The following ADAMTS17 variants were observed in gnomAD, a reference collection of about 807,000 sequenced individuals.
ADAMTS17 encodes A disintegrin and metalloproteinase with thrombospondin motifs 17.
In ADAMTS17, 113 loss-of-function variants were observed where a neutral mutation model predicts 141.5. The observed-to-expected ratio is 0.80, with a 90% CI of 0.69 to 0.93. The LOEUF (loss-of-function observed/expected upper bound fraction) is 0.93, where lower values mean the gene tolerates loss of function less well. ADAMTS17 is among the 40% of genes least tolerant of loss of function. ADAMTS17 has a pLI of 0.00. For missense variants in ADAMTS17, 1,659 were observed against 1,517.9 expected (o/e 1.09, Z -1.54); for synonymous variants, 768 against 630.6 (o/e 1.22, Z -3.27).
At chr15:100,037,742 T>C (rs964329755) in intron 18 of ADAMTS17, among the ~76,000 whole-genome samples, 3 of 152,076 alleles carry the variant, frequency 2.0e-5, no homozygotes, top group Admixed American at 1.3e-4. Flanking sequence ...TTATCAGATA[T>C]ATAATTTGAA....
At chr15:100,174,496 T>C (rs996723824) in intron 8 of ADAMTS17, among the ~76,000 whole-genome samples, 1 of 152,230 alleles carries the variant, frequency 6.6e-6, no homozygotes, top group Non-Finnish European at 1.5e-5. Context: ...GAAATTTCCA[T>C]GCAGTTTCAT....
chr15:100,332,397 C>T (rs2046081340), intron 2 of ADAMTS17, among the ~76,000 whole-genome samples: 1 of 152,232 alleles, frequency 6.6e-6, no homozygotes, highest in East Asian at 1.9e-4. Flanking sequence ...AAAGAGTGGG[C>T]AGGGTACGGC....
intron 8 of ADAMTS17, among the ~76,000 whole-genome samples, chr15:100,186,352 C>A (rs1382103981): frequency 6.6e-6 from 1 of 152,138 alleles, no homozygotes; most frequent in Non-Finnish European, 1.5e-5. Context: ...TGGGCCTCAT[C>A]TTCCTCTCTA....
intron 4 of ADAMTS17, among the ~76,000 whole-genome samples, chr15:100,279,418 T>C (rs2044209053): frequency 6.6e-6 from 1 of 152,118 alleles, no homozygotes; most frequent in African/African-American, 2.4e-5. Context: ...CCCTGCAGAT[T>C]CCGGGAATAG....
intron 15 of ADAMTS17, among the ~76,000 whole-genome samples, chr15:100,078,237 A>C (rs1027371623): frequency 6.6e-6 from 1 of 151,560 alleles, no homozygotes; most frequent in Non-Finnish European, 1.5e-5. Flanking sequence ...TTTGCGAAAA[A>C]TGACAAGCTG....
intron 15 of ADAMTS17, among the ~76,000 whole-genome samples, chr15:100,080,563 G>A (rs1048368686): frequency 2.0e-5 from 3 of 152,158 alleles, no homozygotes; most frequent in African/African-American, 7.2e-5. Flanking sequence ...AAAAACCCAC[G>A]TCTTGCTGAG....
At chr15:100,324,006 G>A (rs769292691) in intron 3 of ADAMTS17, among the ~76,000 whole-genome samples, 88 of 143,516 alleles carry the variant, frequency 6.1e-4, no homozygotes, top group Non-Finnish European at 9.5e-4. Flanking sequence ...AGTCACATCC[G>A]TAAACGTTCC....
At chr15:100,228,023 G>A (rs570331311) in intron 7 of ADAMTS17, among the ~76,000 whole-genome samples, 27 of 152,252 alleles carry the variant, frequency 1.8e-4, no homozygotes, top group East Asian at 3.9e-4. Context: ...TAAAATCCAC[G>A]ACGCTTTGTG....
At chr15:100,017,756 G>T (rs1219637391) in intron 18 of ADAMTS17, among the ~76,000 whole-genome samples, 1 of 152,142 alleles carries the variant, frequency 6.6e-6, no homozygotes, top group East Asian at 1.9e-4. Context: ...TCCTTCAGTG[G>T]GTCTGTGAGT....
chr15:100,045,062 C>T (rs191776666), intron 18 of ADAMTS17, among the ~76,000 whole-genome samples: 1 of 152,202 alleles, frequency 6.6e-6, no homozygotes, highest in East Asian at 1.9e-4. Flanking sequence ...CTGCCTTGGC[C>T]TCCCAAAGTG....
At chr15:100,095,702 C>T (rs1567164460) in intron 15 of ADAMTS17, among the ~76,000 whole-genome samples, 1 of 152,110 alleles carries the variant, frequency 6.6e-6, no homozygotes, top group Non-Finnish European at 1.5e-5. Context: ...AAACATTGTC[C>T]TCCAGGACAG....
chr15:100,208,960 T>C (rs2041685689), intron 7 of ADAMTS17, among the ~76,000 whole-genome samples: 1 of 152,094 alleles, frequency 6.6e-6, no homozygotes, highest in African/African-American at 2.4e-5. Flanking sequence ...CATTTCTAAT[T>C]TACCTTTACT....
At chr15:100,286,192 C>G (rs897538279) in intron 3 of ADAMTS17, among the ~76,000 whole-genome samples, 3 of 152,174 alleles carry the variant, frequency 2.0e-5, no homozygotes, top group Non-Finnish European at 4.4e-5. Context: ...CCGGCACACA[C>G]GTATTGGCAG....
chr15:100,268,957 G>A (rs1007396297), intron 4 of ADAMTS17, among the ~76,000 whole-genome samples: 2 of 120,782 alleles, frequency 1.7e-5, no homozygotes, highest in East Asian at 2.8e-4. Flanking sequence ...ACAGAAACAG[G>A]AACCCAGAAA....
At chr15:100,053,652 A>G (rs1014830054) in intron 16 of ADAMTS17, among the ~76,000 whole-genome samples, 2 of 152,260 alleles carry the variant, frequency 1.3e-5, no homozygotes, top group African/African-American at 4.8e-5. Flanking sequence ...TGAAAAAGAT[A>G]GGAGCTCGGC....
chr15:99,986,973 AC>A (rs2060602154), intron 20 of ADAMTS17, among the ~76,000 whole-genome samples: 1 of 152,088 alleles, frequency 6.6e-6, no homozygotes, highest in African/African-American at 2.4e-5. Context: ...CTCATACACG[AC>A]CCTGGTTAGG....
chr15:100,020,447 T>C (rs1000280935), intron 18 of ADAMTS17, among the ~76,000 whole-genome samples: 1 of 152,178 alleles, frequency 6.6e-6, no homozygotes, highest in Non-Finnish European at 1.5e-5. Context: ...GGCTCTGGCA[T>C]GCAGCTTTAC....
intron 19 of ADAMTS17, among the ~76,000 whole-genome samples, chr15:99,996,459 A>G (rs972708426): frequency 1.3e-5 from 2 of 152,258 alleles, no homozygotes; most frequent in African/African-American, 4.8e-5. Context: ...AGACAAAAAA[A>G]TCAAACAACA....
intron 20 of ADAMTS17, among the ~76,000 whole-genome samples, chr15:99,990,918 G>A (rs1038174370): frequency 2.0e-5 from 3 of 152,190 alleles, no homozygotes; most frequent in Non-Finnish European, 4.4e-5. Flanking sequence ...CAAGCAATGG[G>A]GAAAGGATTC....
Sources: allele counts gnomAD v4.1 joint callset (sites outside exome capture counted in the v4.1 genomes callset), GRCh38; gene constraint gnomAD v4.1.1; transcripts MANE v1.5; gene names NCBI Gene and HGNC (gene_info 2026-07-23, HGNC 2026-07-21).